ARHGAP21: variants seen among roughly 807,000 people sequenced by gnomAD.
ARHGAP21 encodes the protein rho GTPase-activating protein 21.
ARHGAP21 carries 38 observed loss-of-function variants against 164.6 expected under a neutral mutation model. The observed-to-expected ratio is 0.23, with a 90% CI of 0.18 to 0.30. ARHGAP21 has a LOEUF of 0.30. Ranked by LOEUF, ARHGAP21 falls within the 10% of genes least tolerant of loss-of-function variation. The pLI, the probability that ARHGAP21 is intolerant of heterozygous loss-of-function variation, is 1.00. For missense variants in ARHGAP21, 1,822 were observed against 2,370.7 expected (o/e 0.77, Z 4.81); for synonymous variants, 766 against 857.9 (o/e 0.89, Z 1.87).
At chr10:24,628,516 C>T (rs182171271) in intron 7 of ARHGAP21, among the ~76,000 whole-genome samples, 1 of 151,958 alleles carries the variant, frequency 6.6e-6, no homozygotes, top group Non-Finnish European at 1.5e-5. Context: ...CATTACTATA[C>T]CATTTCCATT....
At chr10:24,678,183 ACTT>A (rs1232901473) in intron 2 of ARHGAP21, among the ~76,000 whole-genome samples, 1 of 152,176 alleles carries the variant, frequency 6.6e-6, no homozygotes, top group African/African-American at 2.4e-5. Context: ...TTCAACAGTA[ACTT>A]CTTAGAAAAC....
intron 9 of ARHGAP21, among the ~76,000 whole-genome samples, chr10:24,610,211 T>C (rs1332302549): frequency 6.6e-6 from 1 of 152,118 alleles, no homozygotes; most frequent in African/African-American, 2.4e-5. Context: ...ACCCTGTCTC[T>C]ACCAAAAATA....
At chr10:24,624,601 A>G (rs1346997063) in intron 7 of ARHGAP21, among the ~76,000 whole-genome samples, 1 of 151,990 alleles carries the variant, frequency 6.6e-6, no homozygotes, top group Non-Finnish European at 1.5e-5. Context: ...CGGACTCCCA[A>G]AGTGCCAGGA....
chr10:24,617,091 CAAATA>C (rs1283203423), intron 9 of ARHGAP21, among the ~76,000 whole-genome samples: 2 of 151,968 alleles, frequency 1.3e-5, no homozygotes, highest in Non-Finnish European at 2.9e-5. Flanking sequence ...GGGCGAAAGT[CAAATA>C]AGATAGGAAC....
intron 2 of ARHGAP21, among the ~76,000 whole-genome samples, chr10:24,709,888 T>A (rs190661340): frequency 6.6e-6 from 1 of 152,206 alleles, no homozygotes; most frequent in Admixed American, 6.5e-5. Flanking sequence ...CAAGCTCAAC[T>A]CTTACAACTG....
At chr10:24,662,337 T>TA (rs1178606809) in intron 4 of ARHGAP21, among the ~76,000 whole-genome samples, 1 of 152,186 alleles carries the variant, frequency 6.6e-6, no homozygotes, top group South Asian at 2.1e-4. Context: ...GGCAGAATTA[T>TA]AAGATGGACC....
At chr10:24,664,647 A>G (rs532501856) in intron 4 of ARHGAP21, among the ~76,000 whole-genome samples, 40 of 152,016 alleles carry the variant, frequency 2.6e-4, no homozygotes, top group African/African-American at 9.6e-4. Flanking sequence ...ATGTCAATTT[A>G]ATTAATTTTT....
At chr10:24,665,901 G>A (rs542081544) in intron 4 of ARHGAP21, among the ~76,000 whole-genome samples, 24 of 152,308 alleles carry the variant, frequency 1.6e-4, no homozygotes, top group South Asian at 2.1e-4. Flanking sequence ...GTGGGATTCC[G>A]GAAGAGAACA....
intron 15 of ARHGAP21, 85 bp from the exon 16 acceptor site, chr10:24,597,668 G>A (rs967871754): frequency 1.8e-5 from 28 of 1,536,428 alleles, no homozygotes; most frequent in Non-Finnish European, 2.0e-5. Context: ...GCCATGGTCT[G>A]AAAATATTAA....
chr10:24,594,887 T>A, intron 21 of ARHGAP21, 63 bp downstream of exon 21: 1 of 1,324,636 alleles, frequency 7.5e-7, no homozygotes, highest in Non-Finnish European at 1.1e-6. Context: ...CATGAAGTAA[T>A]GAAGCATATC....
intron 9 of ARHGAP21, among the ~76,000 whole-genome samples, chr10:24,612,592 C>T (rs542016283): frequency 1.3e-5 from 2 of 152,190 alleles, no homozygotes; most frequent in Non-Finnish European, 2.9e-5. Flanking sequence ...TGGTGGCTCA[C>T]GCCTGTAATC....
chr10:24,678,115 A>AG (rs1841444316), intron 2 of ARHGAP21, among the ~76,000 whole-genome samples: 1 of 151,992 alleles, frequency 6.6e-6, no homozygotes, highest in Admixed American at 6.5e-5. Context: ...GGAAAAAAAA[A>AG]AGAGAGAGAG....
chr10:24,618,281 G>A (rs896761699), intron 9 of ARHGAP21, among the ~76,000 whole-genome samples: 1 of 152,090 alleles, frequency 6.6e-6, no homozygotes, highest in Non-Finnish European at 1.5e-5. Context: ...AATTCTTTAT[G>A]TGCCACGCAG....
rs1127893 is a variant in ARHGAP21, at chr10:24,584,440, C to T, written c.5849G>A (p.Ser1950Asn). Residue 1950 changes from serine (S) to asparagine (N), a missense_variant, in exon 26 of 26, where the codon AGT becomes AAT. Ser to Asn is a conservative substitution (Grantham distance 46). Coordinates refer to ENST00000396432, the MANE Select transcript of ARHGAP21 (RefSeq NM_020824.4). ...AAGACAGGGATGAAACTCTGCTTTACTGCCTGGGGTTTCAGACAGTTTATG... is the reference window on the plus strand; with the variant it reads ...AAGACAGGGATGAAACTCTGCTTTATTGCCTGGGGTTTCAGACAGTTTATG... Reference protein sequence around the residue: ...QPHKLSETPGSKAEFHPCL With the variant: ...QPHKLSETPGNKAEFHPCL The T allele has an allele frequency of 2.2e-4, 352 of 1,611,628 alleles. 3 individuals carry two copies. In the East Asian group the frequency reaches 7.2e-3, roughly 33 times the overall value.
At chr10:24,670,450 A>C in intron 2 of ARHGAP21, 53 bp from the exon 3 acceptor site, 3 of 1,240,504 alleles carry the variant, frequency 2.4e-6, no homozygotes, top group Non-Finnish European at 3.2e-6. Flanking sequence ...ATACTTCCTC[A>C]TCTAAAAAAA....
chr10:24,654,823 G>A (rs912540583), intron 4 of ARHGAP21, among the ~76,000 whole-genome samples: 30 of 152,278 alleles, frequency 2.0e-4, no homozygotes, highest in African/African-American at 6.5e-4. Flanking sequence ...ACAATCCTAA[G>A]CCAAAAGAAC....
chr10:24,643,103 T>A (rs1388030487), intron 4 of ARHGAP21, among the ~76,000 whole-genome samples: 1 of 152,210 alleles, frequency 6.6e-6, no homozygotes, highest in African/African-American at 2.4e-5. Flanking sequence ...CAAAATTTTC[T>A]GGCATTATGA....
At chr10:24,626,321 C>T (rs908531930) in intron 7 of ARHGAP21, among the ~76,000 whole-genome samples, 1 of 152,138 alleles carries the variant, frequency 6.6e-6, no homozygotes, top group Non-Finnish European at 1.5e-5. Flanking sequence ...TTCCCCTCCC[C>T]TAATTCGTAT....
At chr10:24,632,637 T>C (rs1835955363) in intron 6 of ARHGAP21, among the ~76,000 whole-genome samples, 1 of 152,180 alleles carries the variant, frequency 6.6e-6, no homozygotes, top group Non-Finnish European at 1.5e-5. Context: ...TGAACTGCAC[T>C]TGAATTACAG....
Sources: allele counts gnomAD v4.1 joint callset (sites outside exome capture counted in the v4.1 genomes callset), GRCh38; gene constraint gnomAD v4.1.1; transcripts MANE v1.5; gene names NCBI Gene and HGNC (gene_info 2026-07-23, HGNC 2026-07-21).